DISC1: variants seen among roughly 807,000 people sequenced by gnomAD.
The protein encoded by DISC1 is DISC1 scaffold protein.
In DISC1, 57 loss-of-function variants were observed where a neutral mutation model predicts 84.5. That is an observed-to-expected ratio of 0.67 (90% CI 0.55 to 0.84). The LOEUF is 0.84. Ranked by LOEUF, DISC1 falls within the 40% of genes least tolerant of loss-of-function variation. The pLI, the probability that DISC1 is intolerant of heterozygous loss-of-function variation, is 0.00. For missense variants in DISC1, 1,000 were observed against 1,057.8 expected, an observed-to-expected ratio of 0.95 and a Z score of 0.76; for synonymous variants, 411 against 415.2, an observed-to-expected ratio of 0.99 and a Z score of 0.12.
Position 231,816,408 on chromosome 1 carries a change from A to T in DISC1, c.1793-1921A>T, listed in dbSNP as rs2080983882. Among the ~76,000 whole-genome samples, 3 of 152,126 alleles carry T rather than the reference A, an allele frequency of 2.0e-5. No homozygotes were observed. In the South Asian group the frequency reaches 6.2e-4, roughly 31 times the overall value. On this transcript the variant is annotated intron_variant, in intron 8 of 12. Coordinates refer to ENST00000439617, the MANE Select transcript of DISC1 (RefSeq NM_018662.3). ...TCTCATTTTTTAGTTGTGTCTTTTG[A>T]TGAGAAGTTTTTAATTTTGATAAAG...
intron 11 of DISC1, among the ~76,000 whole-genome samples, chr1:232,011,138 G>A (rs200719960): frequency 3.3e-5 from 5 of 152,124 alleles, no homozygotes; most frequent in Non-Finnish European, 7.4e-5. Context: ...ACTTTCCCAG[G>A]CATAGGAGGA....
chr1:231,678,016 T>G (rs1319700084), intron 1 of DISC1, among the ~76,000 whole-genome samples: 1 of 151,998 alleles, frequency 6.6e-6, no homozygotes, highest in East Asian at 1.9e-4. Context: ...TGATTTGCTG[T>G]AAGACCCTCT....
chr1:231,992,673 TTGAGACTTACCC>T (rs1372121858), intron 10 of DISC1, among the ~76,000 whole-genome samples: 4 of 152,220 alleles, frequency 2.6e-5, no homozygotes, highest in African/African-American at 9.6e-5. Context: ...GAGTGGCATG[TTGAGACTTACCC>T]TGAGATTTTA....
intron 10 of DISC1, among the ~76,000 whole-genome samples, chr1:231,992,673 T>G (rs1665376432): frequency 6.6e-6 from 1 of 152,220 alleles, no homozygotes. Flanking sequence ...GAGTGGCATG[T>G]TGAGACTTAC....
intron 6 of DISC1, among the ~76,000 whole-genome samples, chr1:231,788,881 TCCACCCCACC>T (rs200438806): frequency 6.6e-6 from 1 of 151,588 alleles, no homozygotes; most frequent in African/African-American, 2.4e-5. Flanking sequence ...TGAGGATGCT[TCCACCCCACC>T]CCACCCCACC....
At chr1:231,820,940 G>A (rs942689871) in intron 9 of DISC1, among the ~76,000 whole-genome samples, 3 of 152,140 alleles carry the variant, frequency 2.0e-5, no homozygotes, top group African/African-American at 7.2e-5. Context: ...AGTGTCTCTC[G>A]TACAGAGACC....
rs752334318 is a variant in DISC1 at position 231,762,514 on chromosome 1, GTT to G, written c.1269-4611_1269-4610del. ...TGTGCCTAATTTTTAGTTTTGTTTT[GTT>G]TTTTTTTTTTTTTTGGTAGAGATAA... On this transcript the variant is annotated intron_variant, in intron 4 of 12. Coordinates refer to ENST00000439617, the MANE Select transcript of DISC1 (RefSeq NM_018662.3). Among the ~76,000 whole-genome samples the G allele has an allele frequency of 6.1e-3, 324 of 52,840 alleles. 2 individuals are homozygous for G. Among genetic ancestry groups the G allele is most frequent in the African/African-American group, 7.8e-3 (158 of 20,244 alleles). The allele number at this position is 52,840 out of a possible 152,430, so 34.7% of individuals were successfully genotyped here.
intron 3 of DISC1, among the ~76,000 whole-genome samples, chr1:231,718,797 T>G: frequency 6.6e-6 from 1 of 152,206 alleles, no homozygotes; most frequent in East Asian, 1.9e-4. Context: ...CACTGTTTAG[T>G]ACCTCTGCCT....
At chr1:231,705,309 A>G (rs2066934038) in intron 3 of DISC1, among the ~76,000 whole-genome samples, 1 of 106,362 alleles carries the variant, frequency 9.4e-6, no homozygotes, top group Admixed American at 1.1e-4. Flanking sequence ...AAAAAAAAAA[A>G]AAAAAAATCA....
At chr1:231,656,485 T>C (rs935188087) in intron 1 of DISC1, among the ~76,000 whole-genome samples, 5 of 152,228 alleles carry the variant, frequency 3.3e-5, no homozygotes, top group Non-Finnish European at 5.9e-5. Flanking sequence ...CTGATTACAA[T>C]AGCCTTGCAG....
intron 4 of DISC1, among the ~76,000 whole-genome samples, chr1:231,764,899 C>A (rs2076044446): frequency 6.6e-6 from 1 of 152,086 alleles, no homozygotes; most frequent in Non-Finnish European, 1.5e-5. Context: ...TCATTTAAAA[C>A]TATCTTTGGA....
intron 3 of DISC1, among the ~76,000 whole-genome samples, chr1:231,710,978 G>GACC (rs1273670490): frequency 2.0e-5 from 3 of 152,160 alleles, no homozygotes; most frequent in African/African-American, 7.2e-5. Context: ...AATTTAGTTT[G>GACC]ACTATCTGTG....
At chr1:231,984,199 A>C (rs1487764662) in intron 10 of DISC1, among the ~76,000 whole-genome samples, 3 of 152,232 alleles carry the variant, frequency 2.0e-5, no homozygotes, top group Non-Finnish European at 4.4e-5. Context: ...AGCCACCTCT[A>C]TTTTACAGAT....
intron 10 of DISC1, among the ~76,000 whole-genome samples, chr1:232,004,434 A>G (rs1312076687): frequency 3.9e-5 from 3 of 77,676 alleles, no homozygotes; most frequent in Admixed American, 9.8e-5. Context: ...ATGAACAAAC[A>G]TGTAACAATA....
At chr1:231,658,018 A>G (rs779544929) in intron 1 of DISC1, among the ~76,000 whole-genome samples, 16 of 152,218 alleles carry the variant, frequency 1.1e-4, no homozygotes, top group Admixed American at 3.9e-4. Flanking sequence ...TCTGTGAAGA[A>G]TGTCAATGGT....
intron 3 of DISC1, among the ~76,000 whole-genome samples, chr1:231,717,422 C>T (rs1461811587): frequency 1.3e-5 from 2 of 152,102 alleles, no homozygotes; most frequent in African/African-American, 4.8e-5. Flanking sequence ...TGTGTATGAT[C>T]TGGAGTCTGG....
intron 8 of DISC1, among the ~76,000 whole-genome samples, chr1:231,811,186 A>G (rs534936206): frequency 2.6e-5 from 4 of 152,356 alleles, no homozygotes; most frequent in Non-Finnish European, 4.4e-5. Flanking sequence ...GCTTTTGGCT[A>G]TCTCAGGAAG....
At chr1:232,019,974 G>A (rs1395101135) in intron 11 of DISC1, among the ~76,000 whole-genome samples, 2 of 152,126 alleles carry the variant, frequency 1.3e-5, no homozygotes, top group African/African-American at 4.8e-5. Context: ...GAGTAGAAGG[G>A]AAGAGAACAC....
intron 3 of DISC1, among the ~76,000 whole-genome samples, chr1:231,740,784 G>A (rs948930932): frequency 6.6e-6 from 1 of 152,042 alleles, no homozygotes; most frequent in Non-Finnish European, 1.5e-5. Flanking sequence ...TGAAGTTAAC[G>A]CTATGCAAAA....
Sources: gnomAD v4.1 joint callset for allele counts (sites outside exome capture counted in the v4.1 genomes callset) on GRCh38, gnomAD v4.1.1 for gene constraint, MANE v1.5 for transcripts, NCBI Gene and HGNC (gene_info 2026-07-23, HGNC 2026-07-21) for gene names.